RIT2: variants seen among roughly 807,000 people sequenced by gnomAD.
RIT2 encodes GTP-binding protein Rit2.
Under a neutral mutation model 23.7 loss-of-function variants are expected in RIT2, and 24 were observed. That is an observed-to-expected ratio of 1.01 (90% CI 0.73 to 1.43). The LOEUF (loss-of-function observed/expected upper bound fraction) is 1.43, where lower values mean the gene tolerates loss of function less well. Ranked by LOEUF, RIT2 falls within the 40% of genes most tolerant of loss-of-function variation. The probability of loss-of-function intolerance (pLI) is 0.00; values close to 1 mark genes in which losing one functional copy is unlikely to be tolerated. For synonymous variants in RIT2, 107 were observed against 91.1 expected, an observed-to-expected ratio of 1.17 and a Z score of -0.99; for missense variants, 236 against 266.9, an observed-to-expected ratio of 0.88 and a Z score of 0.81.
chr18:43,033,222 C>T (rs1911898851), intron 2 of RIT2, among the ~76,000 whole-genome samples: 1 of 152,008 alleles, frequency 6.6e-6, no homozygotes, highest in Non-Finnish European at 1.5e-5. Context: ...AACTTGTTCC[C>T]CAATGCAAAA....
At chr18:42,918,374 T>A (rs1908967034) in intron 4 of RIT2, among the ~76,000 whole-genome samples, 1 of 152,144 alleles carries the variant, frequency 6.6e-6, no homozygotes, top group Non-Finnish European at 1.5e-5. Flanking sequence ...CACATTTATT[T>A]AATTTAATTA....
At chr18:43,036,003 G>A (rs1911965783) in intron 1 of RIT2, among the ~76,000 whole-genome samples, 1 of 152,150 alleles carries the variant, frequency 6.6e-6, no homozygotes. Flanking sequence ...CTATCAGGTA[G>A]CAGTACACGA....
intron 1 of RIT2, among the ~76,000 whole-genome samples, chr18:43,072,172 G>C (rs937363854): frequency 6.6e-6 from 1 of 152,022 alleles, no homozygotes; most frequent in Admixed American, 6.6e-5. Context: ...TTTTAGTAGA[G>C]ACGGGGTTTT....
intron 4 of RIT2, among the ~76,000 whole-genome samples, chr18:42,791,554 C>A (rs1049575682): frequency 6.6e-6 from 1 of 152,202 alleles, no homozygotes; most frequent in Admixed American, 6.5e-5. Context: ...TATTTTTCCA[C>A]TTCCTTTATA....
intron 4 of RIT2, among the ~76,000 whole-genome samples, chr18:42,837,200 CT>C (rs1906638222): frequency 1.8e-5 from 1 of 56,404 alleles, no homozygotes; most frequent in African/African-American, 5.8e-5. Flanking sequence ...CGGAGTCTCG[CT>C]TTATCTCCCA....
At chr18:42,787,010 A>C (rs1007887965) in intron 4 of RIT2, among the ~76,000 whole-genome samples, 1 of 152,146 alleles carries the variant, frequency 6.6e-6, no homozygotes, top group African/African-American at 2.4e-5. Context: ...ATTTCCAGGA[A>C]AAAGAAAATA....
At chr18:43,024,686 GT>G (rs1455883396) in intron 2 of RIT2, among the ~76,000 whole-genome samples, 5 of 150,898 alleles carry the variant, frequency 3.3e-5, no homozygotes, top group Middle Eastern at 3.4e-3. Context: ...CTAATATCCA[GT>G]ATCTTCATGG....
At chr18:43,086,755 G>T (rs1265099288) in intron 1 of RIT2, among the ~76,000 whole-genome samples, 1 of 152,102 alleles carries the variant, frequency 6.6e-6, no homozygotes, top group Admixed American at 6.6e-5. Context: ...TAACCTCCTG[G>T]ATGAAAAGAT....
chr18:43,107,432 C>T (rs939889175), intron 1 of RIT2, among the ~76,000 whole-genome samples: 5 of 152,108 alleles, frequency 3.3e-5, no homozygotes, highest in Admixed American at 3.3e-4. Flanking sequence ...CGCGTGCGTG[C>T]ACGCATACAC....
At chr18:43,012,953 C>T (rs1911384300) in intron 2 of RIT2, among the ~76,000 whole-genome samples, 2 of 151,708 alleles carry the variant, frequency 1.3e-5, no homozygotes, top group Non-Finnish European at 2.9e-5. Flanking sequence ...ATTCTTCTGT[C>T]CAAAAATTCC....
chr18:42,766,591 C>A (rs1397831785), intron 4 of RIT2, among the ~76,000 whole-genome samples: 1 of 152,138 alleles, frequency 6.6e-6, no homozygotes, highest in African/African-American at 2.4e-5. Flanking sequence ...AGAAAGAAAA[C>A]CCCATTTTCT....
At chr18:42,990,984 C>T (rs1378866240) in intron 2 of RIT2, among the ~76,000 whole-genome samples, 1 of 136,856 alleles carries the variant, frequency 7.3e-6, no homozygotes, top group Non-Finnish European at 1.5e-5. Context: ...GGTGTTGCTT[C>T]TTAAATGAAT....
chr18:43,105,145 T>C (rs1913782664), intron 1 of RIT2, among the ~76,000 whole-genome samples: 1 of 151,512 alleles, frequency 6.6e-6, no homozygotes, highest in Non-Finnish European at 1.5e-5. Flanking sequence ...TGTGTGTGTG[T>C]GTGTGTTTGT....
intron 3 of RIT2, among the ~76,000 whole-genome samples, chr18:42,960,600 C>A (rs966154929): frequency 6.6e-6 from 1 of 152,140 alleles, no homozygotes; most frequent in African/African-American, 2.4e-5. Context: ...CAGGCGTGAG[C>A]CACTGCACCC....
At chr18:42,938,346 C>T (rs1209265420) in intron 3 of RIT2, among the ~76,000 whole-genome samples, 3 of 152,126 alleles carry the variant, frequency 2.0e-5, no homozygotes, top group Non-Finnish European at 2.9e-5. Flanking sequence ...TCGAACACAT[C>T]TATTTCAAGA....
chr18:42,989,470 A>G (rs1343298947), intron 2 of RIT2, among the ~76,000 whole-genome samples: 1 of 152,226 alleles, frequency 6.6e-6, no homozygotes, highest in Non-Finnish European at 1.5e-5. Flanking sequence ...AATTAAATTT[A>G]ATATATGTTA....
chr18:43,055,906 G>A (rs1187585280), intron 1 of RIT2, among the ~76,000 whole-genome samples: 1 of 152,030 alleles, frequency 6.6e-6, no homozygotes, highest in African/African-American at 2.4e-5. Context: ...CCTTGGTGTT[G>A]GCAGGCAGAA....
intron 3 of RIT2, among the ~76,000 whole-genome samples, chr18:42,953,304 T>A (rs114713071): frequency 0.011 from 1,683 of 152,284 alleles, 30 homozygotes; most frequent in African/African-American, 0.038. Context: ...TAAAACCTTA[T>A]CCTTTATTAT....
intron 1 of RIT2, among the ~76,000 whole-genome samples, chr18:43,069,081 A>AC (rs1447435543): frequency 6.6e-6 from 1 of 152,206 alleles, no homozygotes; most frequent in African/African-American, 2.4e-5. Flanking sequence ...AATCTTGAGA[A>AC]CAGAAGCATT....
Sources: gnomAD v4.1 joint callset for allele counts (sites outside exome capture counted in the v4.1 genomes callset) on GRCh38, gnomAD v4.1.1 for gene constraint, MANE v1.5 for transcripts, NCBI Gene and HGNC (gene_info 2026-07-23, HGNC 2026-07-21) for gene names.